The following LDLRAD4 variants were observed in gnomAD, a reference collection of about 807,000 sequenced individuals.
The protein encoded by LDLRAD4 is low density lipoprotein receptor class A domain containing 4.
A neutral mutation model predicts 17.0 loss-of-function variants in LDLRAD4; 5 were observed. The ratio of observed to expected loss-of-function variants is 0.29; its 90% CI spans 0.15 to 0.62. LDLRAD4 has a LOEUF of 0.62. Ranked by LOEUF, LDLRAD4 falls within the 20% of genes least tolerant of loss-of-function variation. The pLI, the probability that LDLRAD4 is intolerant of heterozygous loss-of-function variation, is 0.84. For missense variants in LDLRAD4, 340 were observed against 424.7 expected (o/e 0.80, Z 1.75); for synonymous variants, 168 against 171.8 (o/e 0.98, Z 0.17).
At chr18:13,359,993 ATG>A (rs1163628896) in intron 1 of LDLRAD4, among the ~76,000 whole-genome samples, 1 of 152,230 alleles carries the variant, frequency 6.6e-6, no homozygotes, top group Non-Finnish European at 1.5e-5. Flanking sequence ...TTTGAAATCA[ATG>A]TGACTGAGGT....
chr18:13,510,595 G>A (rs1013919417), intron 3 of LDLRAD4, among the ~76,000 whole-genome samples: 2 of 152,116 alleles, frequency 1.3e-5, no homozygotes, highest in Admixed American at 6.5e-5. Context: ...TGTGATGGGT[G>A]CACTAAAATC....
rs1258548486 is a variant in LDLRAD4 at position 13,398,885 on chromosome 18, T to C, written c.40+11123T>C. The stretch of plus-strand genomic sequence containing the variant: ...ACGGGGCATTGGTTCCAGTATTGTG[T>C]CCACTCTCATGGAGTATGCTCGTGC... On this transcript the variant is annotated intron_variant, in intron 2 of 5. Transcript: ENST00000359446. The surrounding 1 kb of genome is among the most constrained non-coding windows in gnomAD (Gnocchi z 4.8). 1.3e-5 allele frequency among the ~76,000 whole-genome samples: 2 copies of C among 152,198 alleles called. No homozygotes were observed. The highest frequency in any genetic ancestry group is 3.9e-4 in the East Asian group (2 of 5,194).
At chr18:13,502,623 G>A (rs948565672) in intron 3 of LDLRAD4, among the ~76,000 whole-genome samples, 2 of 152,164 alleles carry the variant, frequency 1.3e-5, no homozygotes, top group African/African-American at 2.4e-5. Flanking sequence ...CGGTGGCAAA[G>A]GAACAAGCCG....
intron 1 of LDLRAD4, among the ~76,000 whole-genome samples, chr18:13,325,078 C>T (rs1416843408): frequency 1.3e-5 from 2 of 152,190 alleles, no homozygotes; most frequent in Non-Finnish European, 2.9e-5. Context: ...TGTCTTTGTG[C>T]CATGCCTGCC....
At chr18:13,436,373 G>T (rs2090657601) in intron 2 of LDLRAD4, among the ~76,000 whole-genome samples, 1 of 152,178 alleles carries the variant, frequency 6.6e-6, no homozygotes, top group Non-Finnish European at 1.5e-5. Flanking sequence ...AATTAGTGAA[G>T]TGTGGATGTG....
intron 3 of LDLRAD4, among the ~76,000 whole-genome samples, chr18:13,590,232 A>T (rs2095000335): frequency 7.1e-6 from 1 of 141,248 alleles, no homozygotes; most frequent in South Asian, 2.2e-4. Context: ...TGTGGGTATA[A>T]GTGTGTGCAT....
intron 2 of LDLRAD4, among the ~76,000 whole-genome samples, chr18:13,395,947 A>G (rs2086656173): frequency 6.6e-6 from 1 of 152,228 alleles, no homozygotes; most frequent in East Asian, 1.9e-4. Flanking sequence ...CCTCTCTTCC[A>G]GAGTCTCATG....
At chr18:13,359,101 G>GGA (rs2083509568) in intron 1 of LDLRAD4, among the ~76,000 whole-genome samples, 1 of 152,166 alleles carries the variant, frequency 6.6e-6, no homozygotes, top group African/African-American at 2.4e-5. Flanking sequence ...AGTGCACGTG[G>GGA]TTACTCCATG....
chr18:13,484,518 G>A (rs1321778030), intron 3 of LDLRAD4, among the ~76,000 whole-genome samples: 1 of 152,174 alleles, frequency 6.6e-6, no homozygotes, highest in Admixed American at 6.5e-5. Context: ...AGGCTGAAGT[G>A]GGAGCCTCTG....
At chr18:13,648,806 G>A (rs142870565) in exon 6 of LDLRAD4, 7 of 152,256 alleles carry the variant, frequency 4.6e-5, no homozygotes, top group Admixed American at 1.3e-4. Flanking sequence ...CCTTGTTCCC[G>A]GTGTAGGAGA....
At chr18:13,500,431 C>T (rs57364294) in intron 3 of LDLRAD4, among the ~76,000 whole-genome samples, 4,607 of 152,300 alleles carry the variant, frequency 0.03, 221 homozygotes, top group African/African-American at 0.1. Flanking sequence ...TGCTGCTCCC[C>T]GGGGCCCAGT....
intron 1 of LDLRAD4, among the ~76,000 whole-genome samples, chr18:13,257,614 A>G (rs1311423261): frequency 6.6e-6 from 1 of 152,114 alleles, no homozygotes; most frequent in Non-Finnish European, 1.5e-5. Context: ...CATATAGGGG[A>G]TGATTTTATA....
exon 6 of LDLRAD4, chr18:13,652,416 A>G (rs2043283744): frequency 2.0e-5 from 3 of 152,370 alleles, no homozygotes; most frequent in Admixed American, 2.0e-4. Flanking sequence ...TTATAAAGCA[A>G]TCTACTAAAA....
At chr18:13,600,161 A>G (rs2095144629) in intron 3 of LDLRAD4, among the ~76,000 whole-genome samples, 1 of 152,228 alleles carries the variant, frequency 6.6e-6, no homozygotes, top group South Asian at 2.1e-4. Flanking sequence ...CAAATGTTTT[A>G]TTTAAAATAT....
chr18:13,229,453 G>C (rs1053120239), intron 1 of LDLRAD4, among the ~76,000 whole-genome samples: 1 of 152,188 alleles, frequency 6.6e-6, no homozygotes, highest in Non-Finnish European at 1.5e-5. Context: ...CTCAGTAAAA[G>C]GCAGCTCGTG....
chr18:13,279,944 A>G (rs1016365612), intron 1 of LDLRAD4: 11 of 152,376 alleles, frequency 7.2e-5, no homozygotes, highest in African/African-American at 2.6e-4. Context: ...TCCCTTAAGC[A>G]GCTCACAGCT....
rs1278306337 is a variant in LDLRAD4 at position 13,473,677 on chromosome 18, AT to A, written c.181+35294del. On this transcript the variant is annotated intron_variant, in intron 3 of 5. Transcript: ENST00000359446. ...TATATATATATATATATATATATAT[AT>A]AACGTTTACATTTTATATATATTTA... Among the ~76,000 whole-genome samples, 1,014 of 111,222 alleles carry A rather than the reference AT, an allele frequency of 9.1e-3. 68 individuals are homozygous for A. The highest frequency in any genetic ancestry group is 0.022 in the African/African-American group (542 of 24,772). 73.0% of individuals were successfully genotyped at this position (111,222 alleles called of 152,430 possible).
intron 4 of LDLRAD4, 133 bp from the exon 6 acceptor site, chr18:13,643,226 G>T: frequency 1.8e-6 from 1 of 556,222 alleles, no homozygotes; most frequent in Non-Finnish European, 3.2e-6. Flanking sequence ...GAGCCATGGC[G>T]CCCGGCCTCG....
rs140993694 is a variant in LDLRAD4 at position 13,317,053 on chromosome 18, A to G, written c.-383+38865A>G. Among the ~76,000 whole-genome samples, 87 of 152,342 alleles carry G rather than the reference A, an allele frequency of 5.7e-4. 2 individuals carry two copies. In the East Asian group the frequency reaches 0.012, roughly 21 times the overall value. ...GCTTAGATGAAGGAATCCAGAAGGC[A>G]CGATAGTGAAAGGAGGGAGAAGGAT... On this transcript the variant is annotated intron_variant, in intron 1 of 5. Coordinates refer to ENST00000359446, the Ensembl canonical transcript of LDLRAD4.
Sources: gnomAD v4.1 joint callset for allele counts (sites outside exome capture counted in the v4.1 genomes callset) on GRCh38, gnomAD v4.1.1 for gene constraint, Gnocchi (gnomAD v3.1) non-coding constraint, MANE v1.5 for transcripts, NCBI Gene and HGNC (gene_info 2026-07-23, HGNC 2026-07-21) for gene names.